CAMK4: variants seen among roughly 807,000 people sequenced by gnomAD.
CAMK4 encodes calcium/calmodulin-dependent protein kinase type IV.
Under a neutral mutation model 44.9 loss-of-function variants are expected in CAMK4, and 22 were observed. The observed-to-expected ratio is 0.49, with a 90% confidence interval of 0.35 to 0.70. CAMK4 has a LOEUF of 0.70. Ranked by LOEUF, CAMK4 falls within the 30% of genes least tolerant of loss-of-function variation. The pLI is 0.01. For synonymous variants in CAMK4, 218 were observed against 215.4 expected (o/e 1.01, Z -0.11); for missense variants, 498 against 586.8 (o/e 0.85, Z 1.56).
intron 1 of CAMK4, among the ~76,000 whole-genome samples, chr5:111,324,166 A>C (rs418915): frequency 0.92 from 139,365 of 151,778 alleles, 64,096 homozygotes; most frequent in East Asian, 1. Context: ...GAAAGTAGAA[A>C]AAATGAAACA....
At chr5:111,311,092 T>A (rs555857257) in intron 1 of CAMK4, among the ~76,000 whole-genome samples, 1 of 152,336 alleles carries the variant, frequency 6.6e-6, no homozygotes, top group South Asian at 2.1e-4. Context: ...TCAACCTTTT[T>A]ATAGTGAGAG....
intron 1 of CAMK4, among the ~76,000 whole-genome samples, chr5:111,249,176 C>T (rs1749369443): frequency 6.6e-6 from 1 of 152,078 alleles, no homozygotes; most frequent in Non-Finnish European, 1.5e-5. Context: ...TATTAGTTTC[C>T]TATTCCTTTC....
At chr5:111,287,389 A>T (rs566565554) in intron 1 of CAMK4, among the ~76,000 whole-genome samples, 1 of 152,190 alleles carries the variant, frequency 6.6e-6, no homozygotes, top group East Asian at 1.9e-4. Context: ...AAGATCAATA[A>T]AAAAAAGCTT....
rs775265030 is a variant in CAMK4, at chr5:111,478,404, A to T, written c.725A>T (p.Tyr242Phe). Residue 242 changes from tyrosine to phenylalanine, a missense_variant, in exon 9 of 11, where the codon TAT becomes TTT. Transcript: ENST00000282356. Reference sequence around the variant, plus strand: ...AGACTTTGTGGATTTGAACCATTCTATGATGAAAGAGGCGATCAGTTCATG... The same window carrying T: ...AGACTTTGTGGATTTGAACCATTCTTTGATGAAAGAGGCGATCAGTTCATG... Reference protein sequence around the residue: ...YILLCGFEPFYDERGDQFMFR... With the variant: ...YILLCGFEPFFDERGDQFMFR... 2.5e-6 allele frequency: 4 copies of T among 1,576,180 alleles called. 1 individual carries two copies. In the Admixed American group the frequency reaches 6.8e-5, roughly 27 times the overall value.
In CAMK4 at chr5:111,449,596, G is replaced by A. The variant is rs529875144; in HGVS notation, c.625+393G>A. 4.9e-4 allele frequency: 75 copies of A among 154,278 alleles called. No homozygotes were observed. The South Asian group carries it at 0.014, about 30-fold the overall frequency. 9.6% of individuals were successfully genotyped at this position (154,278 alleles called of 1,614,324 possible). The stretch of plus-strand genomic sequence containing the variant: ...GTTTAATTCAGATGGCATATAGGAC[G>A]ATGGTGAGAATGGGGTGGTCCCTAG... On this transcript the variant is annotated intron_variant, in intron 7 of 10. Transcript: ENST00000282356.
chr5:111,369,847 T>C (rs1374070212), intron 2 of CAMK4, among the ~76,000 whole-genome samples: 1 of 152,226 alleles, frequency 6.6e-6, no homozygotes, highest in African/African-American at 2.4e-5. Flanking sequence ...AAACAGTTGT[T>C]ATACTGTATT....
intron 1 of CAMK4, among the ~76,000 whole-genome samples, chr5:111,261,320 T>C (rs1749964395): frequency 6.6e-6 from 1 of 152,230 alleles, no homozygotes; most frequent in South Asian, 2.1e-4. Flanking sequence ...GCACAATGTC[T>C]GGTGCATAAT....
chr5:111,308,559 C>G (rs968129687), intron 1 of CAMK4, among the ~76,000 whole-genome samples: 5 of 152,246 alleles, frequency 3.3e-5, no homozygotes, highest in Admixed American at 6.5e-5. Context: ...ATTTTGGGAG[C>G]AATCCTTTTT....
intron 7 of CAMK4, among the ~76,000 whole-genome samples, chr5:111,452,126 A>G (rs560802282): frequency 6.6e-6 from 1 of 152,358 alleles, no homozygotes; most frequent in East Asian, 1.9e-4. Context: ...CAACAAGTGA[A>G]GAAGTGGCCA....
At chr5:111,446,915 A>G in intron 6 of CAMK4, 139 bp downstream of exon 6, 1 of 682,570 alleles carries the variant, frequency 1.5e-6, no homozygotes, top group Non-Finnish European at 2.7e-6. Context: ...TAAAGGAAAT[A>G]ATATGTTGTT....
intron 2 of CAMK4, among the ~76,000 whole-genome samples, chr5:111,362,215 G>A (rs1000471350): frequency 2.0e-5 from 3 of 151,728 alleles, no homozygotes; most frequent in Admixed American, 6.6e-5. Context: ...ATAGATTAAG[G>A]GACTTGATTA....
chr5:111,247,357 A>G (rs1353526619), intron 1 of CAMK4, among the ~76,000 whole-genome samples: 5 of 147,270 alleles, frequency 3.4e-5, no homozygotes, highest in African/African-American at 1.2e-4. Flanking sequence ...AAATTTGTAA[A>G]TAATATTTTT....
chr5:111,366,691 C>G (rs748461964), intron 2 of CAMK4, among the ~76,000 whole-genome samples: 2 of 152,078 alleles, frequency 1.3e-5, no homozygotes, highest in African/African-American at 4.8e-5. Context: ...AGTGATGGAG[C>G]CTTTTTCTCT....
chr5:111,277,013 T>C (rs1416394305), intron 1 of CAMK4, among the ~76,000 whole-genome samples: 1 of 152,156 alleles, frequency 6.6e-6, no homozygotes, highest in Admixed American at 6.6e-5. Context: ...AAATTAGACG[T>C]TTTAAATGAA....
intron 3 of CAMK4, among the ~76,000 whole-genome samples, chr5:111,375,396 C>T (rs1751176986): frequency 6.6e-6 from 1 of 152,148 alleles, no homozygotes; most frequent in African/African-American, 2.4e-5. Context: ...AGCTCTGCTT[C>T]AGGCTTTGTC....
intron 5 of CAMK4, among the ~76,000 whole-genome samples, chr5:111,429,946 G>A (rs900517908): frequency 1.4e-5 from 2 of 147,074 alleles, no homozygotes; most frequent in Admixed American, 1.4e-4. Flanking sequence ...GAAGAGGAGG[G>A]AATACCTCCA....
Position 111,312,836 on chromosome 5 carries a change from C to T in CAMK4, c.162-31188C>T, listed in dbSNP as rs78571203. On this transcript the variant is annotated intron_variant, in intron 1 of 10. Coordinates refer to ENST00000282356, the MANE Select transcript of CAMK4 (RefSeq NM_001744.6). ...TGCTCATATGGTATCTTCTCTGGGA[C>T]AATCTTTGGAGCATTGGCTCCAGTA... Among the ~76,000 whole-genome samples, 916 of 152,240 alleles carry T rather than the reference C, an allele frequency of 6.0e-3. 12 individuals are homozygous for T. The highest frequency in any genetic ancestry group is 0.021 in the African/African-American group (863 of 41,552).
At chr5:111,483,008 A>G in intron 10 of CAMK4, 71 bp downstream of exon 10, 1 of 1,297,518 alleles carries the variant, frequency 7.7e-7, no homozygotes, top group Non-Finnish European at 1.0e-6. Flanking sequence ...ATCTATCAAT[A>G]ATAGTTCTAC....
rs1353931804 is a variant in CAMK4, at chr5:111,484,001, T to G, written c.982-25T>G. Reference sequence around the variant, plus strand: ...TGGGGTGTTAAAGCAGAGGTAACACTTGACACTCTTCTGTTTCCAATCAGG... The same window carrying G: ...TGGGGTGTTAAAGCAGAGGTAACACGTGACACTCTTCTGTTTCCAATCAGG... On this transcript the variant is annotated intron_variant, in intron 10 of 10. Transcript: ENST00000282356. The surrounding 1 kb of genome is among the most constrained non-coding windows in gnomAD (Gnocchi z 5.3). 2 of 1,527,556 alleles carry G rather than the reference T, an allele frequency of 1.3e-6. No homozygotes were observed. Among genetic ancestry groups the G allele is most frequent in the Non-Finnish European group, 1.8e-6 (2 of 1,135,684 alleles). 94.6% of individuals were successfully genotyped at this position (1,527,556 alleles called of 1,614,324 possible). A position where few individuals can be genotyped will look rare whatever the true frequency, so the allele number is the denominator to read the frequency against.
Sources: allele counts gnomAD v4.1 joint callset (sites outside exome capture counted in the v4.1 genomes callset), GRCh38; gene constraint gnomAD v4.1.1; non-coding constraint Gnocchi (gnomAD v3.1); transcripts MANE v1.5; gene names NCBI Gene and HGNC (gene_info 2026-07-23, HGNC 2026-07-21).